ZNF721: variants seen among roughly 807,000 people sequenced by gnomAD.
ZNF721 encodes the protein zinc finger protein 721.
In ZNF721, 2 loss-of-function variants were observed where a neutral mutation model predicts 2.4. That is an observed-to-expected ratio of 0.82 (90% CI 0.34 to 2.58). The LOEUF (loss-of-function observed/expected upper bound fraction) is 2.58. ZNF721 is among the 30% of genes most tolerant of loss of function. The probability of loss-of-function intolerance (pLI) is 0.11; values close to 1 mark genes in which losing one functional copy is unlikely to be tolerated. For synonymous variants in ZNF721, 398 were observed against 381.8 expected (o/e 1.04, Z -0.50); for missense variants, 1,187 against 1,085.5 (o/e 1.09, Z -1.31).
chr4:444,787 CT>C (rs1224472426), intron 2 of ZNF721, among the ~76,000 whole-genome samples: 19 of 152,264 alleles, frequency 1.2e-4, no homozygotes, highest in African/African-American at 4.6e-4. Context: ...AAGAAAAATA[CT>C]GACACACATA....
In ZNF721 at chr4:462,223, G is replaced by C. The variant is rs143335582; in HGVS notation, c.34+10352C>G. 7.3e-3 allele frequency among the ~76,000 whole-genome samples: 1,105 copies of C among 152,244 alleles called. 12 individuals carry two copies. The highest frequency in any genetic ancestry group is 0.071 in the Middle Eastern group (21 of 294). Reference sequence around the variant, plus strand: ...GGGATGTAAAAGACCTCTTCAAGGAGAACTACAAACCACTGCTCAAGGAAA... The same window carrying C: ...GGGATGTAAAAGACCTCTTCAAGGACAACTACAAACCACTGCTCAAGGAAA... On this transcript the variant is annotated intron_variant, in intron 2 of 2. Transcript: ENST00000511833.
At chr4:465,092 A>AAC (rs1344429358) in intron 2 of ZNF721, among the ~76,000 whole-genome samples, 3 of 151,586 alleles carry the variant, frequency 2.0e-5, no homozygotes, top group Non-Finnish European at 2.9e-5. Context: ...TAAAAAAAAA[A>AAC]AAAACAGCAG....
Position 441,601 on chromosome 4 carries a change from G to A in ZNF721, c.*94C>T, listed in dbSNP as rs560643494. The A allele has an allele frequency of 2.6e-5, 28 of 1,059,346 alleles. No individual in the cohort carries two copies. Among genetic ancestry groups the A allele is most frequent in the Middle Eastern group, 2.1e-4 (1 of 4,732 alleles). The allele number at this position is 1,059,346 out of a possible 1,614,324, so 65.6% of individuals were successfully genotyped here. A position where few individuals can be genotyped will look rare whatever the true frequency, so the allele number is the denominator to read the frequency against. On this transcript the variant is annotated 3_prime_UTR_variant, in exon 3 of 3. Transcript: ENST00000511833. ...AAGGATTGAGGAGCATTTAAAGACC[G>A]CGACATTCGTCACCTTCGTAAGACA...
chr4:463,757 G>A (rs1553866400), intron 2 of ZNF721, among the ~76,000 whole-genome samples: 1 of 152,078 alleles, frequency 6.6e-6, no homozygotes, highest in Non-Finnish European at 1.5e-5. Flanking sequence ...GACTTGTAAG[G>A]GAATGAGGGG....
intron 1 of ZNF721, among the ~76,000 whole-genome samples, chr4:497,389 G>C (rs1553872441): frequency 6.6e-6 from 1 of 151,696 alleles, no homozygotes; most frequent in Admixed American, 6.6e-5. Flanking sequence ...TGCAGGCCGG[G>C]TTACCTTCAC....
At chr4:454,076 C>T (rs1714759422) in intron 2 of ZNF721, 1 of 151,894 alleles carries the variant, frequency 6.6e-6, no homozygotes, top group African/African-American at 2.4e-5. Context: ...ACAGCATTGT[C>T]CCTAATGAAA....
At chr4:496,424 G>T (rs1173144785) in intron 1 of ZNF721, among the ~76,000 whole-genome samples, 3 of 152,082 alleles carry the variant, frequency 2.0e-5, no homozygotes, top group African/African-American at 4.8e-5. Flanking sequence ...GTTCTTCTGG[G>T]GGGGAAACCT....
At position 448,138 on chromosome 4, in the gene ZNF721, G is replaced by GATAAACT. The variant is rs1427992359; in HGVS notation, c.35-3713_35-3707dup. ...GAATAGCTCATACAATATTCTCCTT[G>GATAAACT]ATAAACTACATATTAGGGCACAAAA... On this transcript the variant is annotated intron_variant, in intron 2 of 2. Coordinates refer to ENST00000511833, the MANE Select transcript of ZNF721 (RefSeq NM_133474.4). Among the ~76,000 whole-genome samples, 14 of 152,174 alleles carry GATAAACT rather than the reference G, an allele frequency of 9.2e-5. No homozygotes were observed. The East Asian group carries it at 2.5e-3, about 27-fold the overall frequency.
chr4:453,527 G>C (rs564102202), intron 2 of ZNF721: 3 of 152,314 alleles, frequency 2.0e-5, no homozygotes, highest in African/African-American at 7.2e-5. Context: ...GTGGATGAAT[G>C]GATTACATGT....
intron 2 of ZNF721, among the ~76,000 whole-genome samples, chr4:466,733 A>G (rs1553866810): frequency 6.6e-6 from 1 of 152,224 alleles, no homozygotes; most frequent in South Asian, 2.1e-4. Flanking sequence ...AGAGTACCAA[A>G]GGCAATGGTA....
At chr4:476,189 T>A (rs1359376068) in intron 1 of ZNF721, among the ~76,000 whole-genome samples, 2 of 152,160 alleles carry the variant, frequency 1.3e-5, no homozygotes, top group African/African-American at 4.8e-5. Flanking sequence ...AAGTTTCAAG[T>A]CTTTCATTCC....
rs115478648 is a variant in ZNF721, at chr4:450,232, T to G, written c.35-5800A>C. 7.5e-3 allele frequency among the ~76,000 whole-genome samples: 1,123 copies of G among 149,940 alleles called. 17 individuals carry two copies. Among genetic ancestry groups the G allele is most frequent in the African/African-American group, 0.025 (1,031 of 41,328 alleles). ...GAGAAATCTACACTCCCATGTTTAT[T>G]ACAGCACTGTTTACAATGGCCAAGA... On this transcript the variant is annotated intron_variant, in intron 2 of 2. Transcript: ENST00000511833.
intron 2 of ZNF721, among the ~76,000 whole-genome samples, chr4:458,147 G>T (rs1411529327): frequency 1.3e-5 from 2 of 152,202 alleles, no homozygotes; most frequent in East Asian, 3.8e-4. Flanking sequence ...ACATTGATTT[G>T]TATCAGCACC....
intron 1 of ZNF721, among the ~76,000 whole-genome samples, chr4:473,584 A>G (rs1553868104): frequency 6.6e-6 from 1 of 151,970 alleles, no homozygotes; most frequent in Admixed American, 6.6e-5. Context: ...CTGCCCCATT[A>G]ATGAGTCCCC....
At chr4:487,026 C>T (rs573958767) in intron 1 of ZNF721, among the ~76,000 whole-genome samples, 4 of 152,204 alleles carry the variant, frequency 2.6e-5, no homozygotes, top group Admixed American at 6.5e-5. Flanking sequence ...GTCAGGCCAA[C>T]GTTGATCCTG....
rs782225038 is a variant in ZNF721, at chr4:443,970, T to C, written c.497A>G (p.Lys166Arg). Reference sequence around the variant, plus strand: ...AAAGGCTTTGCCACATTCTTCACATTTGTAAGGTTTCTCTCCAGTATGAAT... The same window carrying C: ...AAAGGCTTTGCCACATTCTTCACATCTGTAAGGTTTCTCTCCAGTATGAAT... ...KKIHTGEKPY[K>R]CEECGKAFNR... Residue 166 changes from lysine to arginine, a missense_variant, in exon 3 of 3, where the codon AAA becomes AGA. Coordinates refer to ENST00000511833, the MANE Select transcript of ZNF721 (RefSeq NM_133474.4). 6 of 1,613,910 alleles carry C rather than the reference T, an allele frequency of 3.7e-6. No homozygotes were observed. The highest frequency in any genetic ancestry group is 5.1e-6 in the Non-Finnish European group (6 of 1,179,994).
chr4:495,171 C>T (rs939183433), intron 1 of ZNF721, among the ~76,000 whole-genome samples: 26 of 151,898 alleles, frequency 1.7e-4, no homozygotes, highest in African/African-American at 5.8e-4. Flanking sequence ...CATAAGCCAC[C>T]GCGCCCAGCC....
Position 443,006 on chromosome 4 carries a change from G to A in ZNF721, c.1461C>T (p.Ser487=), listed in dbSNP as rs373205857. The A allele has an allele frequency of 2.5e-5, 41 of 1,613,874 alleles. No homozygotes were observed. In the African/African-American group the frequency reaches 4.1e-4, roughly 16 times the overall value. The change falls in exon 3 of 3, where the codon AGC becomes AGT. Residue 487 remains serine, a synonymous_variant. Transcript: ENST00000511833. ...QCGKVITSSS[S]FAKHKRIHTG... ...TATGAATCCTCTTATGTTTAGCAAAGCTTGAGGATGAGGTAATGACTTTGC... is the reference window on the plus strand; with the variant it reads ...TATGAATCCTCTTATGTTTAGCAAAACTTGAGGATGAGGTAATGACTTTGC...
chr4:454,302 C>T (rs1714769099), intron 2 of ZNF721, among the ~76,000 whole-genome samples: 1 of 152,156 alleles, frequency 6.6e-6, no homozygotes, highest in South Asian at 2.1e-4. Flanking sequence ...CTACAGTATT[C>T]TCCCCTGCTG....
Sources: gnomAD v4.1 joint callset for allele counts (sites outside exome capture counted in the v4.1 genomes callset) on GRCh38, gnomAD v4.1.1 for gene constraint, MANE v1.5 for transcripts, NCBI Gene and HGNC (gene_info 2026-07-23, HGNC 2026-07-21) for gene names.